Variants in CLMN observed in about 807,000 individuals in gnomAD.
The protein encoded by CLMN is calmin.
CLMN carries 57 observed loss-of-function variants against 92.7 expected under a neutral mutation model. That is an observed-to-expected ratio of 0.61 (90% CI 0.50 to 0.77). CLMN has a LOEUF of 0.77. Ranked by LOEUF, CLMN falls within the 30% of genes least tolerant of loss-of-function variation. CLMN has a pLI of 0.00. For missense variants in CLMN, 1,158 were observed against 1,237.5 expected, an observed-to-expected ratio of 0.94 and a Z score of 0.96; for synonymous variants, 466 against 470.6, an observed-to-expected ratio of 0.99 and a Z score of 0.13.
chr14:95,203,464 G>C lies in CLMN; in HGVS notation c.1885C>G (p.His629Asp). Residue 629 changes from histidine (H) to aspartate (D), a missense_variant, in exon 9 of 13, where the codon CAT becomes GAT. By Grantham distance (81) the His-to-Asp change is moderately conservative. Transcript: ENST00000298912. Reference sequence around the variant, plus strand: ...TCTCCGGAGTCCTGATGAGGTTCATGTTTGTCCATCTTAACTTGAGGCTCT... The same window carrying C: ...TCTCCGGAGTCCTGATGAGGTTCATCTTTGTCCATCTTAACTTGAGGCTCT... ...SPEPQVKMDK[H>D]EPHQDSGEEA... 1 of 1,614,140 alleles carries C rather than the reference G, an allele frequency of 6.2e-7. No individual in the cohort carries two copies. The highest frequency in any genetic ancestry group is 8.5e-7 in the Non-Finnish European group (1 of 1,180,030).
At chr14:95,277,139 C>CT (rs57619048) in intron 1 of CLMN, among the ~76,000 whole-genome samples, 32,621 of 152,056 alleles carry the variant, frequency 0.21, 4,014 homozygotes, top group African/African-American at 0.34. Context: ...ATTGTCTCTT[C>CT]GCAAAGTTTT....
At position 95,203,856 on chromosome 14, in the gene CLMN, C is replaced by A. The variant is rs779388680; in HGVS notation, c.1493G>T (p.Gly498Val). Residue 498 changes from glycine (G) to valine (V), a missense_variant, in exon 9 of 13, where the codon GGC (glycine) becomes GTC (valine). Physicochemically the swap from Gly to Val is moderately radical, Grantham distance 109. Coordinates refer to ENST00000298912, the MANE Select transcript of CLMN (RefSeq NM_024734.4). ...KVAGDIFLVE[G>V]TNNNSQSSSC... ...AGAAGACTGAGAATTATTGTTTGTG[C>A]CCTCCACCAAAAAAATGTCACCAGC... 6.2e-7 allele frequency: 1 copy of A among 1,614,088 alleles called. No homozygotes were observed. Among genetic ancestry groups the A allele is most frequent in the Non-Finnish European group, 8.5e-7 (1 of 1,179,992 alleles).
intron 9 of CLMN, chr14:95,199,244 G>T (rs1209075): frequency 0.12 from 18,208 of 152,186 alleles, 1,571 homozygotes; most frequent in East Asian, 0.43. Flanking sequence ...GGACGAACCT[G>T]ATCCCTTATA....
chr14:95,196,860 G>C (rs555872827), intron 9 of CLMN, among the ~76,000 whole-genome samples, 166 bp from the exon 10 acceptor site: 1 of 152,176 alleles, frequency 6.6e-6, no homozygotes, highest in Non-Finnish European at 1.5e-5. Context: ...CTGCATGAGA[G>C]ACAAGTCCAC....
In CLMN at chr14:95,194,832, A is replaced by C. The variant is rs1230768394; in HGVS notation, c.2709-236T>G. Among the ~76,000 whole-genome samples, 2 of 152,230 alleles carry C rather than the reference A, an allele frequency of 1.3e-5. No individual in the cohort carries two copies. Among genetic ancestry groups the C allele is most frequent in the Non-Finnish European group, 2.9e-5 (2 of 68,024 alleles). On this transcript the variant is annotated intron_variant, in intron 10 of 12. Transcript: ENST00000298912. The surrounding 1 kb of genome is among the most constrained non-coding windows in gnomAD (Gnocchi z 4.0). ...TGGGCCCTCATCTACAAGAAAAATC[A>C]AAGTCAGGATTTTAAATAGAAAGCA...
intron 1 of CLMN, among the ~76,000 whole-genome samples, chr14:95,309,309 A>G (rs1174302153): frequency 6.6e-6 from 1 of 152,190 alleles, no homozygotes; most frequent in African/African-American, 2.4e-5. Flanking sequence ...CAAGTAGAAG[A>G]TTGTTTACCC....
intron 1 of CLMN, among the ~76,000 whole-genome samples, chr14:95,236,942 T>C (rs1404634644): frequency 2.6e-5 from 4 of 152,090 alleles, no homozygotes; most frequent in East Asian, 1.9e-4. Context: ...AGGGAGAGCA[T>C]GCAAGCAGGT....
chr14:95,289,362 G>T (rs1329516446), intron 1 of CLMN, among the ~76,000 whole-genome samples: 1 of 151,974 alleles, frequency 6.6e-6, no homozygotes, highest in East Asian at 1.9e-4. Flanking sequence ...GTGTGGTGGG[G>T]CGTGCCTGTA....
At chr14:95,295,161 C>T (rs1296653159) in intron 1 of CLMN, among the ~76,000 whole-genome samples, 2 of 152,210 alleles carry the variant, frequency 1.3e-5, no homozygotes, top group Non-Finnish European at 2.9e-5. Context: ...CTATAATAAG[C>T]TCGATGCAAT....
chr14:95,210,444 TATA>T (rs1371874055), intron 7 of CLMN, among the ~76,000 whole-genome samples: 2 of 152,186 alleles, frequency 1.3e-5, no homozygotes, highest in African/African-American at 2.4e-5. Context: ...ATACTTATGA[TATA>T]ATGTTAAATA....
At chr14:95,216,205 A>G (rs1439899944) in intron 4 of CLMN, among the ~76,000 whole-genome samples, 1 of 152,210 alleles carries the variant, frequency 6.6e-6, no homozygotes, top group Admixed American at 6.5e-5. Flanking sequence ...GAACGTGTGC[A>G]GGGGAATTCC....
intron 1 of CLMN, among the ~76,000 whole-genome samples, chr14:95,281,568 C>G (rs576230812): frequency 2.8e-4 from 42 of 152,284 alleles, no homozygotes; most frequent in African/African-American, 9.6e-4. Context: ...TCACTGGCTA[C>G]TGCTCAGGAG....
intron 8 of CLMN, among the ~76,000 whole-genome samples, chr14:95,207,617 A>G (rs2140584150): frequency 6.6e-6 from 1 of 152,350 alleles, no homozygotes; most frequent in Admixed American, 6.5e-5. Flanking sequence ...TCCATTTTAC[A>G]GGTGACACAC....
intron 6 of CLMN, among the ~76,000 whole-genome samples, chr14:95,211,649 T>TAAA (rs540566941): frequency 3.8e-5 from 5 of 130,136 alleles, no homozygotes; most frequent in Non-Finnish European, 8.2e-5. Flanking sequence ...TAAACGCTCT[T>TAAA]AAAAAAAAAA....
chr14:95,310,028 G>A (rs182272333), intron 1 of CLMN, among the ~76,000 whole-genome samples: 1 of 152,162 alleles, frequency 6.6e-6, no homozygotes, highest in South Asian at 2.1e-4. Context: ...CTGGCTTGTA[G>A]AGGCCTGATA....
intron 1 of CLMN, 56 bp from the exon 2 acceptor site, chr14:95,230,189 A>G: frequency 6.7e-7 from 1 of 1,497,232 alleles, no homozygotes; most frequent in Non-Finnish European, 9.3e-7. Context: ...GCAAAATCAC[A>G]CCTTCCCCTT....
At chr14:95,298,847 T>C (rs1299914234) in intron 1 of CLMN, among the ~76,000 whole-genome samples, 28 of 152,154 alleles carry the variant, frequency 1.8e-4, no homozygotes. Flanking sequence ...AGATGCGCCA[T>C]AACCTGCTCA....
chr14:95,221,590 C>A, intron 4 of CLMN, 101 bp downstream of exon 4: 1 of 999,930 alleles, frequency 1.0e-6, no homozygotes, highest in Non-Finnish European at 1.5e-6. Context: ...TTAGCTCAGT[C>A]CCCGTCTCAC....
At chr14:95,303,886 T>C (rs568437632) in intron 1 of CLMN, among the ~76,000 whole-genome samples, 17 of 152,336 alleles carry the variant, frequency 1.1e-4, no homozygotes, top group Middle Eastern at 3.4e-3. Flanking sequence ...CCCAACTTTA[T>C]TGAAACCTAG....
Sources: allele counts gnomAD v4.1 joint callset (sites outside exome capture counted in the v4.1 genomes callset), GRCh38; gene constraint gnomAD v4.1.1; non-coding constraint Gnocchi (gnomAD v3.1); transcripts MANE v1.5; gene names NCBI Gene and HGNC (gene_info 2026-07-23, HGNC 2026-07-21).